The following CDC42BPA variants were observed in gnomAD, a reference collection of about 807,000 sequenced individuals.
CDC42BPA encodes the protein serine/threonine-protein kinase MRCK alpha.
A neutral mutation model predicts 223.5 loss-of-function variants in CDC42BPA; 80 were observed. The observed-to-expected ratio is 0.36, with a 90% CI of 0.30 to 0.43. The LOEUF (loss-of-function observed/expected upper bound fraction) is 0.43, where lower values mean the gene tolerates loss of function less well. Among genes scored for constraint, CDC42BPA ranks in the 20% least tolerant of loss-of-function variants. CDC42BPA has a pLI of 1.00. For synonymous variants in CDC42BPA, 694 were observed against 718.6 expected (o/e 0.97, Z 0.55); for missense variants, 1,743 against 2,099.9 (o/e 0.83, Z 3.32).
intron 1 of CDC42BPA, among the ~76,000 whole-genome samples, chr1:227,255,412 G>C (rs1324057072): frequency 6.6e-6 from 1 of 151,076 alleles, no homozygotes; most frequent in Admixed American, 6.6e-5. Flanking sequence ...AAGTCCACTA[G>C]GGATTTCTGT....
intron 1 of CDC42BPA, among the ~76,000 whole-genome samples, chr1:227,315,346 C>T (rs1189274394): frequency 6.6e-6 from 1 of 151,912 alleles, no homozygotes; most frequent in Non-Finnish European, 1.5e-5. Context: ...TATCTCATAA[C>T]ATAAAACTAC....
At chr1:227,170,981 T>C (rs1298129584) in intron 5 of CDC42BPA, among the ~76,000 whole-genome samples, 1 of 152,166 alleles carries the variant, frequency 6.6e-6, no homozygotes, top group Non-Finnish European at 1.5e-5. Flanking sequence ...CAAAATAACA[T>C]CTGGCATTCA....
intron 2 of CDC42BPA, among the ~76,000 whole-genome samples, chr1:227,238,232 A>G (rs1479478021): frequency 1.3e-5 from 2 of 150,998 alleles, no homozygotes; most frequent in Admixed American, 1.3e-4. Context: ...GGTGGGGCAC[A>G]CCTGTAGTCC....
At chr1:227,260,036 G>GAA (rs34964140) in intron 1 of CDC42BPA, among the ~76,000 whole-genome samples, 21 of 117,450 alleles carry the variant, frequency 1.8e-4, no homozygotes, top group Non-Finnish European at 2.0e-4. Context: ...CCATTTTACA[G>GAA]AAAAAAAAAA....
chr1:227,032,666 G>A (rs1669496814), intron 27 of CDC42BPA, among the ~76,000 whole-genome samples: 1 of 152,104 alleles, frequency 6.6e-6, no homozygotes, highest in Admixed American at 6.6e-5. Flanking sequence ...TCCTCAAAGG[G>A]CCTGGCAGCT....
chr1:227,170,399 T>A (rs1293176506), intron 5 of CDC42BPA, among the ~76,000 whole-genome samples: 1 of 149,568 alleles, frequency 6.7e-6, no homozygotes, highest in Non-Finnish European at 1.5e-5. Flanking sequence ...TCATGCTGCA[T>A]AGAGAAGATA....
rs548464543 is a variant in CDC42BPA, at chr1:227,000,068, T to C, written c.4975+4926A>G. On this transcript the variant is annotated intron_variant, in intron 35 of 36. Transcript: ENST00000366766. ...ACCTATGTAACAAACCTGCATGTTC[T>C]ACACATGTATCCCAGAACTTAAAGT... Among the ~76,000 whole-genome samples, 913 of 151,040 alleles carry C rather than the reference T, an allele frequency of 6.0e-3. 10 individuals carry two copies. The highest frequency in any genetic ancestry group is 0.021 in the African/African-American group (855 of 41,172).
chr1:227,000,649 A>G (rs1285982115), intron 35 of CDC42BPA, among the ~76,000 whole-genome samples: 1 of 152,194 alleles, frequency 6.6e-6, no homozygotes, highest in African/African-American at 2.4e-5. Context: ...GCTGGCCCAC[A>G]CTGTGCTTCT....
chr1:227,216,554 G>A (rs1460307887), intron 2 of CDC42BPA, among the ~76,000 whole-genome samples: 2 of 152,128 alleles, frequency 1.3e-5, no homozygotes, highest in Non-Finnish European at 2.9e-5. Context: ...AAGAATATGA[G>A]GCTTACAAAG....
chr1:227,124,175 T>C (rs1010776381), intron 11 of CDC42BPA, among the ~76,000 whole-genome samples: 2 of 152,112 alleles, frequency 1.3e-5, no homozygotes, highest in Admixed American at 6.5e-5. Flanking sequence ...CCCTAACCTT[T>C]AGAAGCTCAG....
intron 6 of CDC42BPA, 56 bp downstream of exon 6, chr1:227,160,487 C>A: frequency 1.8e-6 from 2 of 1,105,052 alleles, no homozygotes; most frequent in Non-Finnish European, 2.8e-6. Context: ...ATATATCAGA[C>A]AAATAGCAAG....
At position 227,013,928 on chromosome 1, in the gene CDC42BPA, A is replaced by G. The variant is rs559508573; in HGVS notation, c.4857+2152T>C. ...AAGTTTAATTAAAATACTACACAGC[A>G]CTTGACTTATCAAATATAAGTCATA... On this transcript the variant is annotated intron_variant, in intron 34 of 36. Transcript: ENST00000366766. Among the ~76,000 whole-genome samples, 11 of 152,286 alleles carry G rather than the reference A, an allele frequency of 7.2e-5. No individual in the cohort carries two copies. The South Asian group carries it at 2.1e-3, about 29-fold the overall frequency.
At chr1:227,101,792 G>C (rs1171438264) in intron 14 of CDC42BPA, among the ~76,000 whole-genome samples, 1 of 152,044 alleles carries the variant, frequency 6.6e-6, no homozygotes, top group Non-Finnish European at 1.5e-5. Flanking sequence ...AAAAACGGTA[G>C]GTCTCTTCAC....
chr1:227,115,965 A>G (rs141311259), intron 12 of CDC42BPA, among the ~76,000 whole-genome samples: 3 of 152,102 alleles, frequency 2.0e-5, no homozygotes, highest in Non-Finnish European at 4.4e-5. Flanking sequence ...TAAAGTAGAT[A>G]TGCATGAAGT....
chr1:227,006,603 T>A (rs1266109449), intron 34 of CDC42BPA, among the ~76,000 whole-genome samples: 1 of 152,148 alleles, frequency 6.6e-6, no homozygotes, highest in African/African-American at 2.4e-5. Context: ...CATACAGCCA[T>A]CTGCAGTATC....
chr1:227,274,590 T>C (rs1457573456), intron 1 of CDC42BPA, among the ~76,000 whole-genome samples: 4 of 152,194 alleles, frequency 2.6e-5, no homozygotes, highest in African/African-American at 9.7e-5. Flanking sequence ...AATCTGTATT[T>C]ATAATAAATC....
At chr1:227,274,706 G>A (rs982676036) in intron 1 of CDC42BPA, among the ~76,000 whole-genome samples, 15 of 151,806 alleles carry the variant, frequency 9.9e-5, no homozygotes, top group African/African-American at 3.6e-4. Context: ...AATACAGAAA[G>A]AATGAAAATA....
chr1:227,069,711 G>T, intron 21 of CDC42BPA, 66 bp downstream of exon 21: 1 of 1,156,652 alleles, frequency 8.6e-7, no homozygotes, highest in South Asian at 1.3e-5. Context: ...TATTATAAGT[G>T]AACTTTAAAT....
intron 16 of CDC42BPA, among the ~76,000 whole-genome samples, chr1:227,086,275 A>T (rs1307007721): frequency 6.6e-6 from 1 of 152,154 alleles, no homozygotes; most frequent in Non-Finnish European, 1.5e-5. Flanking sequence ...TATTATGAGA[A>T]TATTATGCTA....
Sources: allele counts gnomAD v4.1 joint callset (sites outside exome capture counted in the v4.1 genomes callset), GRCh38; gene constraint gnomAD v4.1.1; transcripts MANE v1.5; gene names NCBI Gene and HGNC (gene_info 2026-07-23, HGNC 2026-07-21).